MACROH2A2: variants seen among roughly 807,000 people sequenced by gnomAD.
MACROH2A2 encodes the protein macroH2A.2 histone.
A neutral mutation model predicts 37.6 loss-of-function variants in MACROH2A2; 6 were observed. That is an observed-to-expected ratio of 0.16 (90% CI 0.09 to 0.32). The LOEUF (loss-of-function observed/expected upper bound fraction) is 0.32, where lower values mean the gene tolerates loss of function less well. MACROH2A2 is among the 10% of genes least tolerant of loss of function. The pLI is 1.00. For missense variants in MACROH2A2, 290 were observed against 485.9 expected (o/e 0.60, Z 3.79); for synonymous variants, 192 against 202.7 (o/e 0.95, Z 0.45).
At chr10:70,076,274 C>A (rs1159418402) in intron 2 of MACROH2A2, among the ~76,000 whole-genome samples, 1 of 152,138 alleles carries the variant, frequency 6.6e-6, no homozygotes, top group Non-Finnish European at 1.5e-5. Context: ...GACTCAGGGT[C>A]CATAAATAAC....
chr10:70,091,888 GA>G lies in MACROH2A2; in HGVS notation c.413del (p.Lys138ArgfsTer62). On this transcript the variant is annotated frameshift_variant, in exon 4 of 9. Coordinates refer to ENST00000373255, the MANE Select transcript of MACROH2A2 (RefSeq NM_018649.3). LOFTEE classifies it high-confidence loss of function. Reference protein sequence around the residue: ...LSPPPEKRGRKATSGKKGGKK... With the variant: ...LSPPPEKRGRXATSGKKGGKK... ...CCCCACCCCCAGAGAAAAGAGGCAG[GA>G]AGGCCACGTCAGGCAAGAAGGGGGG... The G allele has an allele frequency of 6.2e-7, 1 of 1,614,094 alleles. No homozygotes were observed. The highest frequency in any genetic ancestry group is 8.5e-7 in the Non-Finnish European group (1 of 1,180,020).
At position 70,093,721 on chromosome 10, in the gene MACROH2A2, A is replaced by T. The variant is rs758411497; in HGVS notation, c.478-14A>T. The T allele has an allele frequency of 6.7e-6, 10 of 1,498,216 alleles. No homozygotes were observed. Among genetic ancestry groups the T allele is most frequent in the Non-Finnish European group, 8.4e-6 (9 of 1,075,076 alleles). 92.8% of individuals were successfully genotyped at this position (1,498,216 alleles called of 1,614,324 possible). A position where few individuals can be genotyped will look rare whatever the true frequency, so the allele number is the denominator to read the frequency against. On this transcript the variant is annotated splice_polypyrimidine_tract_variant and intron_variant, in intron 4 of 8. Transcript: ENST00000373255. The stretch of plus-strand genomic sequence containing the variant: ...GGATTGGTTCTCATCTTGCCTTTTG[A>T]TTTTTACCGACAGTCCAAACCAAAG...
chr10:70,100,306 G>A lies in MACROH2A2; in HGVS notation c.778+9G>A, dbSNP rs1303466660. 1.3e-6 allele frequency: 2 copies of A among 1,509,326 alleles called. No homozygotes were observed. The highest frequency in any genetic ancestry group is 1.8e-6 in the Non-Finnish European group (2 of 1,087,110). 93.5% of individuals were successfully genotyped at this position (1,509,326 alleles called of 1,614,324 possible). A position where few individuals can be genotyped will look rare whatever the true frequency, so the allele number is the denominator to read the frequency against. ...TTTGGAAGTCGCCGAAGGTAAGTGT[G>A]GAACTAGGCTCCTGTCACCAGCATG... On this transcript the variant is annotated intron_variant, in intron 7 of 8. Coordinates refer to ENST00000373255, the MANE Select transcript of MACROH2A2 (RefSeq NM_018649.3).
intron 4 of MACROH2A2, among the ~76,000 whole-genome samples, chr10:70,092,425 CCT>C (rs1281546276): frequency 2.0e-5 from 3 of 152,044 alleles, no homozygotes; most frequent in Non-Finnish European, 4.4e-5. Context: ...AGCGCAAGAC[CCT>C]GTCTCTTAAA....
At chr10:70,090,434 A>G (rs2072237621) in intron 3 of MACROH2A2, among the ~76,000 whole-genome samples, 3 of 152,226 alleles carry the variant, frequency 2.0e-5, no homozygotes, top group South Asian at 4.1e-4. Context: ...TTGCTGAGGA[A>G]GGTGTGGCAC....
chr10:70,076,725 A>G (rs995952421), intron 2 of MACROH2A2, among the ~76,000 whole-genome samples: 2 of 152,140 alleles, frequency 1.3e-5, no homozygotes, highest in African/African-American at 4.8e-5. Flanking sequence ...CAGGTTAAAA[A>G]GCAAACCTCC....
intron 1 of MACROH2A2, among the ~76,000 whole-genome samples, chr10:70,060,270 T>C (rs142429526): frequency 0.012 from 1,804 of 151,840 alleles, 60 homozygotes; most frequent in Admixed American, 0.073. Context: ...TTTGGGAGGC[T>C]GAGGCAGGAG....
At chr10:70,108,539 T>A (rs2072351031) in intron 7 of MACROH2A2, among the ~76,000 whole-genome samples, 1 of 152,214 alleles carries the variant, frequency 6.6e-6, no homozygotes, top group Non-Finnish European at 1.5e-5. Flanking sequence ...TGCCTCCCTC[T>A]TATCAGGTCC....
chr10:70,070,299 G>A lies in MACROH2A2; in HGVS notation c.-59-5301G>A, dbSNP rs569563146. Among the ~76,000 whole-genome samples, 6 of 152,314 alleles carry A rather than the reference G, an allele frequency of 3.9e-5. No individual in the cohort carries two copies. The South Asian group carries it at 1.2e-3, about 32-fold the overall frequency. Reference sequence around the variant, plus strand: ...TGGAGCTGCATCCCCCACCCAGGGGGATTTCCTCTAAGGCCCTCACTTAGA... The same window carrying A: ...TGGAGCTGCATCCCCCACCCAGGGGAATTTCCTCTAAGGCCCTCACTTAGA... On this transcript the variant is annotated intron_variant, in intron 1 of 8. Transcript: ENST00000373255.
At position 70,053,567 on chromosome 10, in the gene MACROH2A2, G is replaced by A. The variant is rs1435959170; in HGVS notation, c.-60+567G>A. 6.6e-6 allele frequency among the ~76,000 whole-genome samples: 1 copy of A among 151,642 alleles called. No homozygotes were observed. The highest frequency in any genetic ancestry group is 1.5e-5 in the Non-Finnish European group (1 of 67,844). On this transcript the variant is annotated intron_variant, in intron 1 of 8. Coordinates refer to ENST00000373255, the MANE Select transcript of MACROH2A2 (RefSeq NM_018649.3). The surrounding 1 kb of genome is among the most constrained non-coding windows in gnomAD (Gnocchi z 4.8). ...GGGCGGAGGTTAGGGACCCGAGTCC[G>A]GGGGCGGGCCGCGCCGGGGAAGGTC...
At chr10:70,108,917 A>C (rs1305333262) in intron 7 of MACROH2A2, 116 bp from the exon 8 acceptor site, 4 of 889,416 alleles carry the variant, frequency 4.5e-6, no homozygotes, top group Non-Finnish European at 7.3e-6. Context: ...GATGCTGCCC[A>C]GCCAACGTCT....
intron 7 of MACROH2A2, among the ~76,000 whole-genome samples, chr10:70,101,625 A>T (rs1260057849): frequency 1.3e-5 from 2 of 151,638 alleles, no homozygotes; most frequent in East Asian, 3.9e-4. Context: ...CTTTTCCCCC[A>T]ACAAACCCCC....
chr10:70,079,455 G>A (rs895059309), intron 2 of MACROH2A2, among the ~76,000 whole-genome samples: 2 of 152,050 alleles, frequency 1.3e-5, no homozygotes, highest in Non-Finnish European at 1.5e-5. Context: ...CTAATGTGCC[G>A]AGAGCAGAGC....
At chr10:70,082,248 C>T (rs1233148746) in intron 2 of MACROH2A2, among the ~76,000 whole-genome samples, 8 of 152,106 alleles carry the variant, frequency 5.3e-5, no homozygotes, top group East Asian at 1.9e-4. Context: ...GGAGAAACCC[C>T]GTCTCTACTA....
At chr10:70,074,564 A>C (rs1316352147) in intron 1 of MACROH2A2, among the ~76,000 whole-genome samples, 1 of 152,138 alleles carries the variant, frequency 6.6e-6, no homozygotes. Flanking sequence ...TCTCATCTTG[A>C]ATTATAGCTC....
chr10:70,074,817 C>G (rs772433189), intron 1 of MACROH2A2, among the ~76,000 whole-genome samples: 1 of 152,190 alleles, frequency 6.6e-6, no homozygotes, highest in Admixed American at 6.5e-5. Context: ...TGCATTAAAC[C>G]TCTGTTTCTT....
In MACROH2A2 at chr10:70,111,663, G is replaced by T; in HGVS notation, c.1099G>T (p.Ala367Ser). 1.2e-6 allele frequency: 2 copies of T among 1,608,796 alleles called. No homozygotes were observed. The highest frequency in any genetic ancestry group is 2.2e-5 in the South Asian group (2 of 90,342). ...ESIGIYVQEMAKLDAK is the reference protein window; with the variant it reads ...ESIGIYVQEMSKLDAK Reference sequence around the variant, plus strand: ...CATCGGCATCTACGTGCAGGAGATGGCCAAGCTCGACGCCAAGTAGCCGCC... The same window carrying T: ...CATCGGCATCTACGTGCAGGAGATGTCCAAGCTCGACGCCAAGTAGCCGCC... Residue 367 changes from alanine to serine, a missense_variant, in exon 9 of 9, where the codon GCC (alanine) becomes TCC (serine). By Grantham distance (99) the Ala-to-Ser change is moderately conservative. Coordinates refer to ENST00000373255, the MANE Select transcript of MACROH2A2 (RefSeq NM_018649.3).
At chr10:70,055,285 A>C (rs1178551444) in intron 1 of MACROH2A2, among the ~76,000 whole-genome samples, 4 of 152,266 alleles carry the variant, frequency 2.6e-5, no homozygotes, top group African/African-American at 7.2e-5. Context: ...TTCAACCTTA[A>C]GAAATAACCT....
chr10:70,075,602 T>G lies in MACROH2A2; in HGVS notation c.-57T>G. 6 of 1,516,566 alleles carry G rather than the reference T, an allele frequency of 4.0e-6. No homozygotes were observed. Among genetic ancestry groups the G allele is most frequent in the South Asian group, 1.1e-5 (1 of 87,792 alleles). The allele number at this position is 1,516,566 out of a possible 1,614,324, so 93.9% of individuals were successfully genotyped here. On this transcript the variant is annotated splice_region_variant and 5_prime_UTR_variant, in exon 2 of 9. Transcript: ENST00000373255. The surrounding 1 kb of genome is among the most constrained non-coding windows in gnomAD (Gnocchi z 5.0). The stretch of plus-strand genomic sequence containing the variant: ...ACTCTGTCTTCTTTCCTTTTTAGCA[T>G]TGTGTTAGTGCCGGGAGGCCACTGT...
Sources: gnomAD v4.1 joint callset for allele counts (sites outside exome capture counted in the v4.1 genomes callset) on GRCh38, gnomAD v4.1.1 for gene constraint, Gnocchi (gnomAD v3.1) non-coding constraint, MANE v1.5 for transcripts, NCBI Gene and HGNC (gene_info 2026-07-23, HGNC 2026-07-21) for gene names.